Variants in B4GALT1 observed in about 807,000 individuals in gnomAD.
The protein encoded by B4GALT1 is beta-1,4-galactosyltransferase 1.
Under a neutral mutation model 34.9 loss-of-function variants are expected in B4GALT1, and 16 were observed. That is an observed-to-expected ratio of 0.46 (90% CI 0.31 to 0.70). B4GALT1 has a LOEUF of 0.70. Ranked by LOEUF, B4GALT1 falls within the 30% of genes least tolerant of loss-of-function variation. The probability of loss-of-function intolerance (pLI) is 0.05; values close to 1 mark genes in which losing one functional copy is unlikely to be tolerated. For synonymous variants in B4GALT1, 221 were observed against 218.1 expected (o/e 1.01, Z -0.12); for missense variants, 445 against 530.5 (o/e 0.84, Z 1.58).
intron 2 of B4GALT1, among the ~76,000 whole-genome samples, chr9:33,130,378 G>A (rs1226998447): frequency 1.3e-5 from 2 of 151,566 alleles, no homozygotes; most frequent in Non-Finnish European, 2.9e-5. Context: ...TCTTGCTGCC[G>A]TTGAAGTTGG....
chr9:33,141,763 C>G (rs895785279), intron 1 of B4GALT1, among the ~76,000 whole-genome samples: 2 of 152,086 alleles, frequency 1.3e-5, no homozygotes, highest in South Asian at 2.1e-4. Context: ...CGTGGGAGTA[C>G]GCCAATAAAT....
At chr9:33,157,227 A>C (rs1293118290) in intron 1 of B4GALT1, among the ~76,000 whole-genome samples, 2 of 151,964 alleles carry the variant, frequency 1.3e-5, no homozygotes, top group South Asian at 4.1e-4. Flanking sequence ...ATACTTCAAA[A>C]GCCAGGATTT....
chr9:33,131,685 G>A (rs934356552), intron 2 of B4GALT1, among the ~76,000 whole-genome samples: 3 of 152,160 alleles, frequency 2.0e-5, no homozygotes, highest in Non-Finnish European at 4.4e-5. Context: ...TATAAAGAGG[G>A]CTAACAGCCC....
At chr9:33,128,747 A>C (rs893531986) in intron 2 of B4GALT1, among the ~76,000 whole-genome samples, 1 of 152,210 alleles carries the variant, frequency 6.6e-6, no homozygotes, top group African/African-American at 2.4e-5. Context: ...GGGATGGTAG[A>C]GATGATCAAG....
At chr9:33,157,101 C>T (rs866310204) in intron 1 of B4GALT1, among the ~76,000 whole-genome samples, 13 of 115,308 alleles carry the variant, frequency 1.1e-4, no homozygotes, top group African/African-American at 3.4e-4. Flanking sequence ...CACACACACA[C>T]GGTGTCCAGC....
chr9:33,138,740 C>A (rs1344450991), intron 1 of B4GALT1, among the ~76,000 whole-genome samples: 2 of 152,146 alleles, frequency 1.3e-5, no homozygotes, highest in South Asian at 4.1e-4. Context: ...TCACAGCCAA[C>A]AGAACATGGC....
upstream of B4GALT1, among the ~76,000 whole-genome samples, chr9:33,170,225 C>G (rs1207691149): frequency 6.6e-6 from 1 of 152,068 alleles, no homozygotes; most frequent in African/African-American, 2.4e-5. Flanking sequence ...CTGCCTCGGC[C>G]TCCCAAAGTG....
At chr9:33,114,683 G>A (rs1031614563) in intron 4 of B4GALT1, among the ~76,000 whole-genome samples, 2 of 152,214 alleles carry the variant, frequency 1.3e-5, no homozygotes, top group South Asian at 2.1e-4. Context: ...CAAGGAAAAG[G>A]AATGAGGACC....
upstream of B4GALT1, among the ~76,000 whole-genome samples, chr9:33,171,240 G>A (rs1299845092): frequency 6.6e-6 from 1 of 152,228 alleles, no homozygotes; most frequent in Non-Finnish European, 1.5e-5. Context: ...TGAGGCACTG[G>A]CACAGTTGGA....
chr9:33,180,472 G>A, the B4GALT1 span, among the ~76,000 whole-genome samples: 1 of 152,290 alleles, frequency 6.6e-6, no homozygotes, highest in East Asian at 1.9e-4. Flanking sequence ...CTGGAACAGT[G>A]GAAACATTCC....
intron 1 of B4GALT1, among the ~76,000 whole-genome samples, chr9:33,162,399 G>A (rs1840687670): frequency 6.6e-6 from 1 of 152,146 alleles, no homozygotes; most frequent in African/African-American, 2.4e-5. Flanking sequence ...TCCTGAAGAG[G>A]AGGCACTTTG....
chr9:33,172,164 A>G (rs974820568), upstream of B4GALT1, among the ~76,000 whole-genome samples: 3 of 152,204 alleles, frequency 2.0e-5, no homozygotes, highest in Non-Finnish European at 4.4e-5. Flanking sequence ...AGGAGATAGA[A>G]GAGTCCAGCT....
upstream of B4GALT1, among the ~76,000 whole-genome samples, chr9:33,168,443 A>C (rs543162853): frequency 8.6e-4 from 131 of 152,328 alleles, no homozygotes; most frequent in African/African-American, 3.0e-3. Flanking sequence ...CTGGCAGCCA[A>C]CCATCAGGGA....
At chr9:33,182,248 A>G in the B4GALT1 span, among the ~76,000 whole-genome samples, 2 of 152,188 alleles carry the variant, frequency 1.3e-5, no homozygotes, top group Non-Finnish European at 2.9e-5. Context: ...CTCTCTGCCT[A>G]TGATTTTCTC....
chr9:33,148,317 G>T (rs1054811278), intron 1 of B4GALT1, among the ~76,000 whole-genome samples: 7 of 152,164 alleles, frequency 4.6e-5, no homozygotes, highest in African/African-American at 1.7e-4. Context: ...ACATCTATTA[G>T]TTTGGCAAAA....
chr9:33,176,382 A>G, the B4GALT1 span, among the ~76,000 whole-genome samples: 1 of 151,914 alleles, frequency 6.6e-6, no homozygotes, highest in Non-Finnish European at 1.5e-5. Flanking sequence ...CCAAATCTCA[A>G]GATAAGCCCT....
At chr9:33,140,351 TTTAA>T (rs1840330840) in intron 1 of B4GALT1, among the ~76,000 whole-genome samples, 1 of 152,240 alleles carries the variant, frequency 6.6e-6, no homozygotes, top group Admixed American at 6.5e-5. Flanking sequence ...GTAGGTGTTT[TTTAA>T]TTAAACTAAA....
At chr9:33,177,281 C>T in the B4GALT1 span, 33 of 152,220 alleles carry the variant, frequency 2.2e-4, no homozygotes, top group African/African-American at 7.7e-4. Flanking sequence ...ACAACTTCCT[C>T]GCTGTGTTGT....
At chr9:33,169,473 C>T (rs944920413), upstream of B4GALT1, among the ~76,000 whole-genome samples, 3 of 151,950 alleles carry the variant, frequency 2.0e-5, no homozygotes, top group African/African-American at 7.3e-5. Flanking sequence ...TTCAGACTAC[C>T]TTATGCAGAA....
Sources: allele counts gnomAD v4.1 joint callset (sites outside exome capture counted in the v4.1 genomes callset), GRCh38; gene constraint gnomAD v4.1.1; transcripts MANE v1.5; gene names NCBI Gene and HGNC (gene_info 2026-07-23, HGNC 2026-07-21).